Variants in TENM4 observed in about 807,000 individuals in gnomAD.
TENM4 encodes the protein teneurin transmembrane protein 4.
In TENM4, 82 loss-of-function variants were observed where a neutral mutation model predicts 243.3. The ratio of observed to expected loss-of-function variants is 0.34; its 90% CI spans 0.28 to 0.40. The LOEUF is 0.40. Among genes scored for constraint, TENM4 ranks in the 10% least tolerant of loss-of-function variants. The pLI is 1.00. For missense variants in TENM4, 3,138 were observed against 3,673.3 expected (o/e 0.85, Z 3.77); for synonymous variants, 1,412 against 1,456.3 (o/e 0.97, Z 0.69).
intron 15 of TENM4, among the ~76,000 whole-genome samples, chr11:78,800,577 G>A (rs569249134): frequency 8.5e-5 from 13 of 152,174 alleles, no homozygotes; most frequent in East Asian, 7.7e-4. Context: ...CAGAGCTTTC[G>A]GCTGCAGCCC....
chr11:78,709,641 C>T (rs1461008616), intron 26 of TENM4, among the ~76,000 whole-genome samples: 1 of 152,188 alleles, frequency 6.6e-6, no homozygotes, highest in Non-Finnish European at 1.5e-5. Flanking sequence ...TTCAAAATAT[C>T]TCAAGTGGAG....
intron 6 of TENM4, among the ~76,000 whole-genome samples, chr11:78,935,665 A>G (rs150182058): frequency 6.6e-6 from 1 of 152,320 alleles, no homozygotes; most frequent in African/African-American, 2.4e-5. Flanking sequence ...ACATTTAAGA[A>G]AGTTCAAAGT....
intron 3 of TENM4, among the ~76,000 whole-genome samples, chr11:79,200,543 C>T (rs898639037): frequency 1.3e-5 from 2 of 152,222 alleles, no homozygotes; most frequent in Admixed American, 6.5e-5. Context: ...GCAGGCTGGG[C>T]CTTCCAGGCT....
intron 3 of TENM4, among the ~76,000 whole-genome samples, chr11:79,200,579 C>A (rs1455646467): frequency 6.6e-6 from 1 of 152,208 alleles, no homozygotes; most frequent in African/African-American, 2.4e-5. Context: ...TGTGGCCAGG[C>A]CTGGTGCCCT....
chr11:78,733,525 G>T (rs1305504929), intron 20 of TENM4, among the ~76,000 whole-genome samples: 1 of 152,146 alleles, frequency 6.6e-6, no homozygotes, highest in Non-Finnish European at 1.5e-5. Context: ...GCCCAAACAG[G>T]ACCCAGCCAG....
At chr11:79,327,566 G>A (rs1856993942) in intron 1 of TENM4, among the ~76,000 whole-genome samples, 1 of 150,370 alleles carries the variant, frequency 6.7e-6, no homozygotes, top group Non-Finnish European at 1.5e-5. Context: ...CCATTTTACA[G>A]ATAAGAAAAC....
chr11:78,886,471 A>G (rs1855552007), intron 9 of TENM4, among the ~76,000 whole-genome samples: 1 of 152,230 alleles, frequency 6.6e-6, no homozygotes, highest in South Asian at 2.1e-4. Context: ...CTAGCTTGTG[A>G]AGCAAGGGTG....
intron 2 of TENM4, among the ~76,000 whole-genome samples, chr11:79,273,617 T>C (rs529437694): frequency 6.6e-6 from 1 of 152,208 alleles, no homozygotes; most frequent in Non-Finnish European, 1.5e-5. Context: ...GGTTAAGTTG[T>C]GTAGCTAGTA....
intron 6 of TENM4, among the ~76,000 whole-genome samples, chr11:78,998,182 C>A (rs1032215122): frequency 6.6e-6 from 1 of 152,202 alleles, no homozygotes; most frequent in African/African-American, 2.4e-5. Context: ...GTCAATGGAA[C>A]CACACCCAGG....
intron 31 of TENM4, among the ~76,000 whole-genome samples, chr11:78,670,828 C>T (rs1329827918): frequency 6.6e-6 from 1 of 152,204 alleles, no homozygotes; most frequent in Non-Finnish European, 1.5e-5. Flanking sequence ...CCTAGGCCTC[C>T]AGGTACTCAG....
chr11:79,028,726 A>G (rs1158747012), intron 6 of TENM4, among the ~76,000 whole-genome samples: 2 of 152,208 alleles, frequency 1.3e-5, no homozygotes, highest in Non-Finnish European at 2.9e-5. Flanking sequence ...TCTGGGTGAT[A>G]CACCACAGCA....
intron 25 of TENM4, among the ~76,000 whole-genome samples, chr11:78,714,305 G>A (rs1859470921): frequency 6.6e-6 from 1 of 151,700 alleles, no homozygotes; most frequent in African/African-American, 2.4e-5. Flanking sequence ...AGTCACTGAA[G>A]GTCTTAATCT....
chr11:78,797,626 G>C (rs924366549), intron 15 of TENM4, among the ~76,000 whole-genome samples: 3 of 152,216 alleles, frequency 2.0e-5, no homozygotes, highest in Non-Finnish European at 4.4e-5. Flanking sequence ...CAATTTTCCA[G>C]TCTTTGATTA....
intron 12 of TENM4, among the ~76,000 whole-genome samples, chr11:78,852,091 C>G (rs2136198589): frequency 6.6e-6 from 1 of 152,324 alleles, no homozygotes; most frequent in East Asian, 1.9e-4. Context: ...GGGCTGGGTG[C>G]CAGGAGGCAG....
At chr11:78,926,072 A>T (rs1396171433) in intron 6 of TENM4, among the ~76,000 whole-genome samples, 1 of 152,166 alleles carries the variant, frequency 6.6e-6, no homozygotes, top group East Asian at 1.9e-4. Flanking sequence ...AGGGAAAACG[A>T]GAGAGAAGGT....
At chr11:79,027,557 C>T (rs1248827987) in intron 6 of TENM4, among the ~76,000 whole-genome samples, 1 of 152,232 alleles carries the variant, frequency 6.6e-6, no homozygotes, top group Non-Finnish European at 1.5e-5. Context: ...TCCTTAGTTT[C>T]CTGCCTTCCC....
chr11:79,116,408 A>G (rs949220579), intron 4 of TENM4, among the ~76,000 whole-genome samples: 3 of 152,204 alleles, frequency 2.0e-5, no homozygotes, highest in Non-Finnish European at 4.4e-5. Flanking sequence ...TTGTTTAACC[A>G]CTGACAGATG....
chr11:78,897,248 G>C (rs1322745688), intron 7 of TENM4, among the ~76,000 whole-genome samples: 1 of 152,176 alleles, frequency 6.6e-6, no homozygotes, highest in South Asian at 2.1e-4. Flanking sequence ...TCCACTGAGA[G>C]AGGACCCCAG....
intron 4 of TENM4, among the ~76,000 whole-genome samples, chr11:79,105,685 A>G (rs1425797959): frequency 6.6e-6 from 1 of 152,134 alleles, no homozygotes; most frequent in Non-Finnish European, 1.5e-5. Context: ...CCCCTTCCCC[A>G]AGCTGGTTTC....
Sources: gnomAD v4.1 joint callset for allele counts (sites outside exome capture counted in the v4.1 genomes callset) on GRCh38, gnomAD v4.1.1 for gene constraint, MANE v1.5 for transcripts, NCBI Gene and HGNC (gene_info 2026-07-23, HGNC 2026-07-21) for gene names.